Variants in ZNF831 observed in about 807,000 individuals in gnomAD.
The protein encoded by ZNF831 is chromosome 20 open reading frame 174.
A neutral mutation model predicts 95.8 loss-of-function variants in ZNF831; 59 were observed. The ratio of observed to expected loss-of-function variants is 0.62; its 90% confidence interval spans 0.50 to 0.77. ZNF831 has a LOEUF of 0.77. Among genes scored for constraint, ZNF831 ranks in the 30% least tolerant of loss-of-function variants. The pLI is 0.00. For synonymous variants in ZNF831, 961 were observed against 925.5 expected, an observed-to-expected ratio of 1.04 and a Z score of -0.70; for missense variants, 2,205 against 2,164.0, an observed-to-expected ratio of 1.02 and a Z score of -0.38.
chr20:59,243,246 G>A (rs150117883), intron 4 of ZNF831, among the ~76,000 whole-genome samples: 6 of 152,226 alleles, frequency 3.9e-5, no homozygotes, highest in African/African-American at 7.2e-5. Flanking sequence ...CATAGTTTAG[G>A]AAAATTCCTC....
chr20:59,238,644 T>A (rs2146717427), intron 4 of ZNF831, among the ~76,000 whole-genome samples: 1 of 152,348 alleles, frequency 6.6e-6, no homozygotes, highest in African/African-American at 2.4e-5. Context: ...CTCTTTGAGA[T>A]TCGTGAGGGA....
intron 1 of ZNF831, among the ~76,000 whole-genome samples, chr20:59,130,768 T>C (rs1979326395): frequency 6.6e-6 from 1 of 152,100 alleles, no homozygotes; most frequent in South Asian, 2.1e-4. Flanking sequence ...ATATTCTGAA[T>C]GGTTCTTGGG....
At chr20:59,180,826 A>G (rs1601344396) in intron 1 of ZNF831, among the ~76,000 whole-genome samples, 1 of 152,256 alleles carries the variant, frequency 6.6e-6, no homozygotes, top group African/African-American at 2.4e-5. Flanking sequence ...ATAGTGCTGC[A>G]ATAAACATAT....
chr20:59,242,811 C>T (rs967080667), intron 4 of ZNF831, among the ~76,000 whole-genome samples: 2 of 152,202 alleles, frequency 1.3e-5, no homozygotes, highest in African/African-American at 2.4e-5. Context: ...GCTGAGGCTT[C>T]ATCACCAAGT....
In ZNF831 at chr20:59,180,451, C is replaced by T. The variant is rs373566336; in HGVS notation, c.-36-10533C>T. On this transcript the variant is annotated intron_variant, in intron 1 of 5. Coordinates refer to ENST00000371030, the MANE Select transcript of ZNF831 (RefSeq NM_178457.3). The stretch of plus-strand genomic sequence containing the variant: ...ATGTGCCATGGTGGTTTGCTACACA[C>T]ATCAACTTGTCATCTAGGTTTTAAG... Among the ~76,000 whole-genome samples the T allele has an allele frequency of 2.7e-3, 406 of 152,322 alleles. 6 individuals carry two copies. The highest frequency in any genetic ancestry group is 9.3e-3 in the African/African-American group (387 of 41,566).
rs1988302131 is a variant in ZNF831 at position 59,259,010 on chromosome 20, T to C, written c.*4267T>C. On this transcript the variant is annotated 3_prime_UTR_variant, in exon 6 of 6. Coordinates refer to ENST00000371030, the MANE Select transcript of ZNF831 (RefSeq NM_178457.3). ...TCAGGATTTACTACTCAATTGGTTGTTCACAATCAGGGAAATGATTGGCTT... is the reference window on the plus strand; with the variant it reads ...TCAGGATTTACTACTCAATTGGTTGCTCACAATCAGGGAAATGATTGGCTT... 2 of 152,254 alleles carry C rather than the reference T, an allele frequency of 1.3e-5. No individual in the cohort carries two copies. Among genetic ancestry groups the C allele is most frequent in the South Asian group, 4.1e-4 (2 of 4,834 alleles). The allele number at this position is 152,254 out of a possible 1,614,324, so 9.4% of individuals were successfully genotyped here. A position where few individuals can be genotyped will look rare whatever the true frequency, so the allele number is the denominator to read the frequency against.
intron 4 of ZNF831, among the ~76,000 whole-genome samples, chr20:59,240,265 G>C (rs1223831057): frequency 2.0e-5 from 3 of 152,088 alleles, no homozygotes; most frequent in African/African-American, 4.8e-5. Flanking sequence ...CTCTTCTTCG[G>C]ACAAGGGTTA....
intron 1 of ZNF831, among the ~76,000 whole-genome samples, chr20:59,144,524 A>G (rs1459971988): frequency 6.6e-6 from 1 of 152,114 alleles, no homozygotes; most frequent in Admixed American, 6.5e-5. Context: ...CAATGTCCCC[A>G]GAGGGGAAAA....
rs1233083258 is a variant in ZNF831, at chr20:59,193,105, C to T, written c.2086C>T (p.Pro696Ser). The T allele has an allele frequency of 7.5e-6, 12 of 1,594,340 alleles. No homozygotes were observed. Among genetic ancestry groups the T allele is most frequent in the Non-Finnish European group, 9.4e-6 (11 of 1,170,364 alleles). The change falls in exon 2 of 6, where the codon CCA becomes TCA. Residue 696 changes from proline to serine, a missense_variant. Physicochemically the swap from Pro to Ser is moderately conservative, Grantham distance 74 (BLOSUM62 -1). Coordinates refer to ENST00000371030, the MANE Select transcript of ZNF831 (RefSeq NM_178457.3). ...GGCAACGCCAGAGCCTTGGGGAAAT[C>T]CACCAGCCCTGGAGGCCTCCTTGGT... is the stretch of plus-strand genomic sequence containing the variant. ...AGATPEPWGN[P>S]PALEASLVTE...
intron 2 of ZNF831, among the ~76,000 whole-genome samples, chr20:59,149,427 G>T (rs972303735): frequency 1.3e-5 from 2 of 152,144 alleles, no homozygotes; most frequent in Non-Finnish European, 2.9e-5. Flanking sequence ...TGTGGTTGGC[G>T]CCTTCCCCAA....
rs200006323 is a variant in ZNF831 at position 59,218,595 on chromosome 20, GT to G, written c.4027+11551del. Among the ~76,000 whole-genome samples, 1,307 of 145,158 alleles carry G rather than the reference GT, an allele frequency of 9.0e-3. 11 individuals carry two copies. Among genetic ancestry groups the G allele is most frequent in the East Asian group, 0.055 (278 of 5,010 alleles). On this transcript the variant is annotated intron_variant, in intron 4 of 5. Transcript: ENST00000371030. ...GTTCCATGCTTGTGTTAGCGTGACT[GT>G]TTTTTTTTTTTATATATATAACTGA...
intron 4 of ZNF831, among the ~76,000 whole-genome samples, chr20:59,237,398 G>A (rs1303794823): frequency 3.3e-5 from 5 of 152,198 alleles, no homozygotes; most frequent in Non-Finnish European, 5.9e-5. Context: ...CCAGGCTGGA[G>A]TGCAGTGGCG....
chr20:59,154,781 C>T (rs989164150), intron 2 of ZNF831, among the ~76,000 whole-genome samples: 8 of 152,198 alleles, frequency 5.3e-5, no homozygotes, highest in African/African-American at 1.2e-4. Flanking sequence ...CTCACCGCAC[C>T]GTCTTTTGCC....
chr20:59,142,487 C>G (rs1397824343), intron 1 of ZNF831, among the ~76,000 whole-genome samples: 2 of 152,180 alleles, frequency 1.3e-5, no homozygotes, highest in Non-Finnish European at 2.9e-5. Flanking sequence ...GTAGTGTTTC[C>G]AAAGCTTGGG....
intron 4 of ZNF831, among the ~76,000 whole-genome samples, chr20:59,241,723 T>G (rs1054032017): frequency 6.6e-6 from 1 of 152,232 alleles, no homozygotes; most frequent in East Asian, 1.9e-4. Flanking sequence ...GCTGTTGAAT[T>G]TGGTACCTGA....
In ZNF831 at chr20:59,194,400, C is replaced by T. The variant is rs1312487754; in HGVS notation, c.3381C>T (p.Pro1127=). The part of the protein sequence containing the change: ...GPLVGPDPCS[P]LQPGSFLTAL... ...TGGTGGGCCCCGACCCGTGTTCCCC[C>T]CTCCAGCCTGGCTCCTTCCTCACTG... Residue 1127 remains proline, a synonymous_variant, in exon 2 of 6, where the codon CCC becomes CCT. Transcript: ENST00000371030. 4 of 1,609,956 alleles carry T rather than the reference C, an allele frequency of 2.5e-6. No individual in the cohort carries two copies. The highest frequency in any genetic ancestry group is 2.2e-5 in the East Asian group (1 of 44,862).
Position 59,192,747 on chromosome 20 carries a change from C to A in ZNF831, c.1728C>A (p.Gly576=), listed in dbSNP as rs770491483. 6.2e-7 allele frequency: 1 copy of A among 1,611,182 alleles called. No homozygotes were observed. The highest frequency in any genetic ancestry group is 8.5e-7 in the Non-Finnish European group (1 of 1,179,288). Residue 576 remains glycine, a synonymous_variant, in exon 2 of 6, where the codon GGC becomes GGA. Coordinates refer to ENST00000371030, the MANE Select transcript of ZNF831 (RefSeq NM_178457.3). The surrounding 1 kb of genome is among the most constrained non-coding windows in gnomAD (Gnocchi z 5.2). The part of the protein sequence containing the change: ...AVEDLPGTPI[G]DALVPAEDTD... ...AGGACCTGCCAGGCACCCCCATTGG[C>A]GATGCCCTGGTGCCCGCAGAGGACA... is the stretch of plus-strand genomic sequence containing the variant.
intron 4 of ZNF831, among the ~76,000 whole-genome samples, chr20:59,223,253 G>A (rs1986216006): frequency 6.6e-6 from 1 of 152,072 alleles, no homozygotes; most frequent in South Asian, 2.1e-4. Flanking sequence ...CTGTCCGCAG[G>A]GATGTAAAGC....
chr20:59,189,631 C>T (rs1427843301), intron 1 of ZNF831, among the ~76,000 whole-genome samples: 1 of 152,214 alleles, frequency 6.6e-6, no homozygotes, highest in Non-Finnish European at 1.5e-5. Context: ...CCTGCCGTAT[C>T]CTCCTGAGTA....
Sources: gnomAD v4.1 joint callset for allele counts (sites outside exome capture counted in the v4.1 genomes callset) on GRCh38, gnomAD v4.1.1 for gene constraint, Gnocchi (gnomAD v3.1) non-coding constraint, MANE v1.5 for transcripts, NCBI Gene and HGNC (gene_info 2026-07-23, HGNC 2026-07-21) for gene names.